ALPK2: variants seen among roughly 807,000 people sequenced by gnomAD.
ALPK2 encodes the protein alpha-protein kinase 2.
ALPK2 carries 127 observed loss-of-function variants against 163.1 expected under a neutral mutation model. The observed-to-expected ratio is 0.78, with a 90% CI of 0.67 to 0.90. The LOEUF (loss-of-function observed/expected upper bound fraction) is 0.90. Among genes scored for constraint, ALPK2 ranks in the 40% least tolerant of loss-of-function variants. The probability of loss-of-function intolerance (pLI) is 0.00; values close to 1 mark genes in which losing one functional copy is unlikely to be tolerated. For missense variants in ALPK2, 2,360 were observed against 2,589.6 expected, an observed-to-expected ratio of 0.91 and a Z score of 1.92; for synonymous variants, 953 against 959.1, an observed-to-expected ratio of 0.99 and a Z score of 0.12.
In ALPK2 at chr18:58,517,004, A is replaced by G; in HGVS notation, c.5844T>C (p.Pro1948=). The G allele has an allele frequency of 5.0e-6, 8 of 1,614,238 alleles. No homozygotes were observed. The highest frequency in any genetic ancestry group is 5.9e-6 in the Non-Finnish European group (7 of 1,180,036). The change falls in exon 9 of 13, where the codon CCT becomes CCC. Residue 1948 remains proline (P), a synonymous_variant. Transcript: ENST00000361673. The part of the protein sequence containing the change: ...VMHGLMPVFK[P]GHACVLKVHN... ...GCACCTTAAGCACACAGGCATGGCC[A>G]GGTTTGAAGACAGGCATGAGGCCGT...
intron 4 of ALPK2, among the ~76,000 whole-genome samples, chr18:58,554,391 G>T (rs774883524): frequency 8.5e-5 from 13 of 152,330 alleles, no homozygotes; most frequent in Admixed American, 3.9e-4. Flanking sequence ...CACCATGGTT[G>T]CTGGTAGTGT....
At chr18:58,500,608 GGAAAT>G (rs796957134) in intron 11 of ALPK2, among the ~76,000 whole-genome samples, 4 of 152,222 alleles carry the variant, frequency 2.6e-5, no homozygotes, top group East Asian at 1.9e-4. Context: ...ACAGAAGAAA[GGAAAT>G]GAACAGCATT....
At chr18:58,600,836 G>A (rs945779533) in intron 3 of ALPK2, 2 of 152,232 alleles carry the variant, frequency 1.3e-5, no homozygotes, top group Admixed American at 1.3e-4. Context: ...CCTGGACACT[G>A]GACTGTGTCC....
intron 11 of ALPK2, among the ~76,000 whole-genome samples, chr18:58,503,150 A>G (rs1299846155): frequency 2.0e-5 from 3 of 152,280 alleles, no homozygotes; most frequent in Non-Finnish European, 4.4e-5. Flanking sequence ...TCCATAGAAG[A>G]AATGGTATTC....
chr18:58,567,576 G>A (rs2144183998), intron 4 of ALPK2, among the ~76,000 whole-genome samples: 1 of 152,272 alleles, frequency 6.6e-6, no homozygotes, highest in East Asian at 1.9e-4. Context: ...AGTGCAGGCT[G>A]TTTGCCAGGA....
chr18:58,592,140 G>A (rs1354357888), intron 3 of ALPK2, among the ~76,000 whole-genome samples: 2 of 152,216 alleles, frequency 1.3e-5, no homozygotes, highest in Non-Finnish European at 2.9e-5. Flanking sequence ...CCCCCAATGA[G>A]CAGGAACACC....
chr18:58,596,427 C>G (rs955250185), intron 3 of ALPK2, among the ~76,000 whole-genome samples: 3 of 152,228 alleles, frequency 2.0e-5, no homozygotes, highest in African/African-American at 7.2e-5. Flanking sequence ...GCCAAGGGAG[C>G]AGCCTCATTA....
chr18:58,496,264 C>T (rs887116331), intron 12 of ALPK2, among the ~76,000 whole-genome samples: 7 of 152,304 alleles, frequency 4.6e-5, no homozygotes, highest in African/African-American at 4.8e-5. Flanking sequence ...CTAAATCCCT[C>T]GTTCCTTCCT....
chr18:58,532,850 A>C (rs987593677), intron 5 of ALPK2, among the ~76,000 whole-genome samples: 1 of 152,184 alleles, frequency 6.6e-6, no homozygotes, highest in Non-Finnish European at 1.5e-5. Context: ...GCCCAGGGCT[A>C]TCCAGGTACT....
chr18:58,567,206 C>T (rs1252070126), intron 4 of ALPK2, among the ~76,000 whole-genome samples: 7 of 148,312 alleles, frequency 4.7e-5, no homozygotes, highest in South Asian at 2.2e-4. Context: ...GCCAACATGA[C>T]GAAACCCTGT....
At chr18:58,547,109 T>C (rs1175540804) in intron 4 of ALPK2, among the ~76,000 whole-genome samples, 1 of 144,202 alleles carries the variant, frequency 6.9e-6, no homozygotes, top group Non-Finnish European at 1.5e-5. Flanking sequence ...CTCAGAGTCT[T>C]TCTTCCACAG....
rs555198944 is a variant in ALPK2, at chr18:58,603,042, A to G, written c.227+4280T>C. On this transcript the variant is annotated intron_variant, in intron 3 of 12. Transcript: ENST00000361673. ...TCTGCCCTTTTCCCAGAAAACACAT[A>G]AATTATCCAATTCTTGTTTAGCATA... Among the ~76,000 whole-genome samples the G allele has an allele frequency of 2.6e-5, 4 of 152,334 alleles. No individual in the cohort carries two copies. In the East Asian group the frequency reaches 7.7e-4, roughly 29 times the overall value.
rs1318449738 is a variant in ALPK2 at position 58,529,251 on chromosome 18, TATTTGAAGGTCA to T, written c.5354-25_5354-14del. 1 of 1,606,786 alleles carries T rather than the reference TATTTGAAGGTCA, an allele frequency of 6.2e-7. No individual in the cohort carries two copies. On this transcript the variant is annotated splice_polypyrimidine_tract_variant and intron_variant, in intron 5 of 12. Coordinates refer to ENST00000361673, the MANE Select transcript of ALPK2 (RefSeq NM_052947.4). ...AGTAATACTGGAGCTAGAAACAAGA[TATTTGAAGGTCA>T]GTGTAACAAAAGACTTTCCCATTTC...
chr18:58,545,234 A>AAC (rs141933899), intron 4 of ALPK2: 12 of 145,962 alleles, frequency 8.2e-5, no homozygotes, highest in African/African-American at 2.8e-4. Context: ...AAAAAAAAAA[A>AAC]ACACACACAC....
intron 6 of ALPK2, 126 bp from the exon 7 acceptor site, chr18:58,524,188 A>C (rs1198704281): frequency 1.5e-6 from 2 of 1,313,368 alleles, no homozygotes; most frequent in African/African-American, 3.0e-5. Flanking sequence ...GAGCTGCCCA[A>C]AGGGCAAAAT....
chr18:58,619,055 T>C (rs1483779461), intron 1 of ALPK2, among the ~76,000 whole-genome samples: 3 of 152,212 alleles, frequency 2.0e-5, no homozygotes, highest in African/African-American at 7.2e-5. Context: ...TTACTGTAGA[T>C]TTGGACACCG....
At chr18:58,613,462 A>G (rs1484744440) in intron 1 of ALPK2, among the ~76,000 whole-genome samples, 1 of 152,158 alleles carries the variant, frequency 6.6e-6, no homozygotes, top group East Asian at 1.9e-4. Flanking sequence ...TGGGAGGCTG[A>G]GGCGGGCGGA....
chr18:58,531,742 A>G (rs2051615879), intron 5 of ALPK2, among the ~76,000 whole-genome samples: 1 of 151,246 alleles, frequency 6.6e-6, no homozygotes, highest in Non-Finnish European at 1.5e-5. Flanking sequence ...GATCTAGACC[A>G]TCCTGGCCAA....
intron 4 of ALPK2, among the ~76,000 whole-genome samples, chr18:58,552,470 C>T (rs1197438329): frequency 1.3e-5 from 2 of 152,180 alleles, no homozygotes; most frequent in Non-Finnish European, 2.9e-5. Flanking sequence ...ACAGAAATAA[C>T]TTGCTACAGT....
Sources: gnomAD v4.1 joint callset for allele counts (sites outside exome capture counted in the v4.1 genomes callset) on GRCh38, gnomAD v4.1.1 for gene constraint, MANE v1.5 for transcripts, NCBI Gene and HGNC (gene_info 2026-07-23, HGNC 2026-07-21) for gene names.